PROS1: variants seen among roughly 807,000 people sequenced by gnomAD.
The protein encoded by PROS1 is protein S.
In PROS1, 29 loss-of-function variants were observed where a neutral mutation model predicts 75.9. The ratio of observed to expected loss-of-function variants is 0.38; its 90% CI spans 0.28 to 0.52. PROS1 has a LOEUF of 0.52. Among genes scored for constraint, PROS1 ranks in the 20% least tolerant of loss-of-function variants. The probability of loss-of-function intolerance (pLI) is 0.83; values close to 1 mark genes in which losing one functional copy is unlikely to be tolerated. For synonymous variants in PROS1, 245 were observed against 280.6 expected (o/e 0.87, Z 1.27); for missense variants, 680 against 810.3 (o/e 0.84, Z 1.95).
Position 93,893,021 on chromosome 3 carries a change from C to T in PROS1, c.1067G>A (p.Gly356Asp). ...CTTAAGCTGAACTTCAATCTTTCCA[C>T]CACGAAGTGCAATCAGGAGCCACGC... ...HSAWLLIALR[G>D]GKIEVQLKNE... The change falls in exon 10 of 15, where the codon GGT becomes GAT. Residue 356 changes from glycine (G) to aspartate (D), a missense_variant. Transcript: ENST00000394236. 2 of 1,613,808 alleles carry T rather than the reference C, an allele frequency of 1.2e-6. No homozygotes were observed. The highest frequency in any genetic ancestry group is 1.7e-6 in the Non-Finnish European group (2 of 1,179,874).
intron 14 of PROS1, 113 bp downstream of exon 14, chr3:93,876,853 A>C: frequency 1.4e-6 from 1 of 725,878 alleles, no homozygotes; most frequent in Non-Finnish European, 2.2e-6. Context: ...AGAATAATGA[A>C]TACTGGATTT....
chr3:93,880,126 G>T (rs1708254505), intron 12 of PROS1, among the ~76,000 whole-genome samples: 1 of 152,144 alleles, frequency 6.6e-6, no homozygotes, highest in South Asian at 2.1e-4. Context: ...ATGTGAATAA[G>T]GAAAATCATT....
chr3:93,967,403 T>TAAG (rs1008956884), intron 1 of PROS1, among the ~76,000 whole-genome samples: 114 of 152,326 alleles, frequency 7.5e-4, no homozygotes, highest in African/African-American at 2.7e-3. Context: ...ACACCACAAT[T>TAAG]AAAACAAATC....
At chr3:93,973,584 C>T (rs1373074254) in intron 1 of PROS1, 90 bp downstream of exon 1, 8 of 1,375,256 alleles carry the variant, frequency 5.8e-6, no homozygotes, top group Non-Finnish European at 8.2e-6. Flanking sequence ...TAGGAGGCTG[C>T]AGCTCTAGAG....
chr3:93,935,955 TAAAA>T (rs1170480529), intron 1 of PROS1, among the ~76,000 whole-genome samples: 1 of 123,480 alleles, frequency 8.1e-6, no homozygotes, highest in Non-Finnish European at 1.7e-5. Flanking sequence ...AAGTCCACAT[TAAAA>T]AAAAAAAAAA....
chr3:93,913,242 T>G (rs1708787126), intron 3 of PROS1, among the ~76,000 whole-genome samples: 1 of 152,204 alleles, frequency 6.6e-6, no homozygotes, highest in Non-Finnish European at 1.5e-5. Context: ...CTGATATAGT[T>G]TGGCTGTGTC....
chr3:93,972,098 T>C (rs1709890159), intron 1 of PROS1, among the ~76,000 whole-genome samples: 1 of 152,206 alleles, frequency 6.6e-6, no homozygotes, highest in Non-Finnish European at 1.5e-5. Flanking sequence ...TCAGTCAAAA[T>C]GTAACAATCT....
chr3:93,881,403 A>G (rs560302832), intron 12 of PROS1, among the ~76,000 whole-genome samples: 13 of 152,250 alleles, frequency 8.5e-5, no homozygotes, highest in African/African-American at 2.9e-4. Flanking sequence ...AAAATTACCA[A>G]TTGGGTATCA....
intron 9 of PROS1, among the ~76,000 whole-genome samples, chr3:93,894,116 G>GTCT (rs1708469760): frequency 2.0e-5 from 3 of 152,212 alleles, no homozygotes; most frequent in Admixed American, 2.0e-4. Context: ...AAGTTAAAGA[G>GTCT]TCTGGACTTC....
intron 1 of PROS1, among the ~76,000 whole-genome samples, chr3:93,968,735 T>C (rs1455000010): frequency 1.3e-5 from 2 of 150,252 alleles, no homozygotes; most frequent in African/African-American, 4.9e-5. Flanking sequence ...TGAAAAAAAA[T>C]AAAGAAATAA....
chr3:93,938,375 G>A (rs1444954358), intron 1 of PROS1, among the ~76,000 whole-genome samples: 1 of 152,154 alleles, frequency 6.6e-6, no homozygotes, highest in Non-Finnish European at 1.5e-5. Context: ...TGGCACCCAG[G>A]TGATTAAAAA....
chr3:93,922,999 G>A (rs1708964628), intron 3 of PROS1, among the ~76,000 whole-genome samples: 2 of 152,312 alleles, frequency 1.3e-5, no homozygotes, highest in Non-Finnish European at 2.9e-5. Flanking sequence ...AGAAAATATA[G>A]TTACAGTGCA....
In PROS1 at chr3:93,899,713, A is replaced by G. The variant is rs566328318; in HGVS notation, c.727+1091T>C. Among the ~76,000 whole-genome samples, 7 of 152,310 alleles carry G rather than the reference A, an allele frequency of 4.6e-5. No homozygotes were observed. The South Asian group carries it at 1.5e-3, about 32-fold the overall frequency. On this transcript the variant is annotated intron_variant, in intron 7 of 14. Transcript: ENST00000394236. ...TAGTTAAAAAATATATTGTAAAATT[A>G]TTATTGATTTAGGCAACTTCATAGA...
intron 10 of PROS1, among the ~76,000 whole-genome samples, chr3:93,888,515 A>T (rs1168655635): frequency 6.6e-6 from 1 of 152,222 alleles, no homozygotes; most frequent in Non-Finnish European, 1.5e-5. Context: ...ATTATAGAAT[A>T]GTAAAGGAGC....
intron 1 of PROS1, among the ~76,000 whole-genome samples, chr3:93,946,317 T>C (rs992197478): frequency 1.3e-5 from 2 of 152,180 alleles, no homozygotes; most frequent in African/African-American, 4.8e-5. Context: ...TTGAAGTTTA[T>C]ATGGAACCAA....
intron 3 of PROS1, among the ~76,000 whole-genome samples, chr3:93,922,326 AC>A (rs1423530196): frequency 6.6e-6 from 1 of 152,066 alleles, no homozygotes; most frequent in Non-Finnish European, 1.5e-5. Flanking sequence ...CTCAGAGTTC[AC>A]CATTCTTCCC....
rs771370692 is a variant in PROS1, at chr3:93,886,350, C to T, written c.1309G>A (p.Glu437Lys). ...FAGFPRKVESELIKPINPRLD... is the reference protein window; with the variant it reads ...FAGFPRKVESKLIKPINPRLD... The stretch of plus-strand genomic sequence containing the variant: ...TGGATCATTACCGGTTTAATGAGTT[C>T]ACTTTCCACTTTCCGAGGGAATCCT... The change falls in exon 11 of 15, where the codon GAA becomes AAA. Residue 437 changes from glutamate to lysine, a missense_variant. Glu to Lys is a moderately conservative substitution (Grantham distance 56). Coordinates refer to ENST00000394236, the MANE Select transcript of PROS1 (RefSeq NM_000313.4). The T allele has an allele frequency of 6.8e-6, 11 of 1,613,544 alleles. No homozygotes were observed. The African/African-American group carries it at 1.2e-4, about 18-fold the overall frequency.
chr3:93,903,405 T>A (rs1246557368), intron 6 of PROS1, among the ~76,000 whole-genome samples: 2 of 152,292 alleles, frequency 1.3e-5, no homozygotes, highest in Admixed American at 1.3e-4. Flanking sequence ...GGCTCATGCC[T>A]GTAATCCCAC....
chr3:93,965,749 CA>C (rs1397511625), intron 1 of PROS1, among the ~76,000 whole-genome samples: 2 of 152,166 alleles, frequency 1.3e-5, no homozygotes, highest in Non-Finnish European at 2.9e-5. Context: ...GGCTGGAGTG[CA>C]GTGGCATGAT....
Sources: gnomAD v4.1 joint callset for allele counts (sites outside exome capture counted in the v4.1 genomes callset) on GRCh38, gnomAD v4.1.1 for gene constraint, MANE v1.5 for transcripts, NCBI Gene and HGNC (gene_info 2026-07-23, HGNC 2026-07-21) for gene names.